The following XKR3 variants were observed in gnomAD, a reference collection of about 807,000 sequenced individuals.
XKR3 encodes the protein XK-related protein 3.
Under a neutral mutation model 40.3 loss-of-function variants are expected in XKR3, and 27 were observed. The ratio of observed to expected loss-of-function variants is 0.67; its 90% CI spans 0.49 to 0.92. The LOEUF (loss-of-function observed/expected upper bound fraction) is 0.92, where lower values mean the gene tolerates loss of function less well. Among genes scored for constraint, XKR3 ranks in the 40% least tolerant of loss-of-function variants. The pLI is 0.00. For synonymous variants in XKR3, 193 were observed against 195.4 expected (o/e 0.99, Z 0.10); for missense variants, 472 against 537.6 (o/e 0.88, Z 1.21).
intron 3 of XKR3, among the ~76,000 whole-genome samples, chr22:16,787,286 C>A (rs1186218726): frequency 3.9e-5 from 6 of 152,054 alleles, no homozygotes; most frequent in Admixed American, 6.6e-5. Flanking sequence ...AAGCTGGGTG[C>A]AATGGCTCAC....
intron 2 of XKR3, among the ~76,000 whole-genome samples, chr22:16,806,216 G>A (rs2146166022): frequency 6.8e-6 from 1 of 147,604 alleles, no homozygotes; most frequent in African/African-American, 2.5e-5. Flanking sequence ...CCAAGATTGT[G>A]TCAATGCACT....
intron 1 of XKR3, among the ~76,000 whole-genome samples, chr22:16,821,966 T>TAAAATAAAAATTTTGC (rs1419720029): frequency 2.0e-5 from 3 of 152,124 alleles, no homozygotes; most frequent in Non-Finnish European, 4.4e-5. Flanking sequence ...AATTTTAAAA[T>TAAAATAAAAATTTTGC]CACTATTAAA....
intron 1 of XKR3, among the ~76,000 whole-genome samples, chr22:16,809,940 CA>C (rs1419290029): frequency 6.6e-6 from 1 of 152,104 alleles, no homozygotes; most frequent in South Asian, 2.1e-4. Context: ...TTTGTAGAGA[CA>C]GGGTCTCTTC....
In XKR3 at chr22:16,784,211, T is replaced by C; in HGVS notation, c.788A>G (p.Lys263Arg). ...LAFFIASLKL[K>R]SLPVLLIIYF... ...TATGATTAACAAAACGGGTAGGCTC[T>C]TCAGTTTCAGAGATGCAATGAAAAA... Residue 263 changes from lysine to arginine, a missense_variant, in exon 4 of 4, where the codon AAG (lysine) becomes AGG (arginine). Transcript: ENST00000684488. The C allele has an allele frequency of 6.2e-7, 1 of 1,614,204 alleles. No homozygotes were observed. The highest frequency in any genetic ancestry group is 8.5e-7 in the Non-Finnish European group (1 of 1,180,022).
intron 2 of XKR3, 123 bp from the exon 3 acceptor site, chr22:16,800,147 A>G: frequency 9.1e-7 from 1 of 1,098,796 alleles, no homozygotes; most frequent in South Asian, 1.7e-5. Context: ...GGCAAATATT[A>G]ACTTAATCAC....
At chr22:16,786,730 C>T (rs1243861791) in intron 3 of XKR3, among the ~76,000 whole-genome samples, 1 of 152,110 alleles carries the variant, frequency 6.6e-6, no homozygotes, top group Admixed American at 6.5e-5. Context: ...CCTTAATTTC[C>T]TTCTTCTTCT....
At chr22:16,823,557 T>A (rs1243743121) in intron 1 of XKR3, among the ~76,000 whole-genome samples, 1 of 152,188 alleles carries the variant, frequency 6.6e-6, no homozygotes, top group East Asian at 1.9e-4. Context: ...AACACCTTAC[T>A]TTTGATCTGC....
rs550908656 is a variant in XKR3 at position 16,817,881 on chromosome 22, CAAAT to C, written c.-11+7406_-11+7409del. 3.1e-3 allele frequency among the ~76,000 whole-genome samples: 470 copies of C among 152,156 alleles called. 1 individual carries two copies. Among genetic ancestry groups the C allele is most frequent in the African/African-American group, 0.01 (424 of 41,526 alleles). Reference sequence around the variant, plus strand: ...TTCAATTGAATTATTTGTTACTTAACAAATAAAACCTATGAAAAGCCATTATTAC... The same window carrying C: ...TTCAATTGAATTATTTGTTACTTAACAAAACCTATGAAAAGCCATTATTAC... On this transcript the variant is annotated intron_variant, in intron 1 of 3. Transcript: ENST00000684488.
At chr22:16,787,781 CA>C in intron 3 of XKR3, among the ~76,000 whole-genome samples, 1 of 150,766 alleles carries the variant, frequency 6.6e-6, no homozygotes, top group East Asian at 2.0e-4. Flanking sequence ...CAGAATTAAG[CA>C]GGATAAAAAA....
At chr22:16,801,568 A>G (rs182302581) in intron 2 of XKR3, among the ~76,000 whole-genome samples, 51 of 152,294 alleles carry the variant, frequency 3.3e-4, no homozygotes, top group African/African-American at 1.1e-3. Flanking sequence ...AAGTAAGTGT[A>G]AGTTTTAAAA....
At chr22:16,820,035 C>A (rs2060249232) in intron 1 of XKR3, among the ~76,000 whole-genome samples, 1 of 152,098 alleles carries the variant, frequency 6.6e-6, no homozygotes, top group South Asian at 2.1e-4. Flanking sequence ...ATGACAACAC[C>A]AAATGCTGGT....
At chr22:16,794,526 C>CA (rs2060132828) in intron 3 of XKR3, among the ~76,000 whole-genome samples, 1 of 152,088 alleles carries the variant, frequency 6.6e-6, no homozygotes, top group Non-Finnish European at 1.5e-5. Flanking sequence ...TAAGGGCATA[C>CA]ACTTTAAATA....
chr22:16,816,771 TTGTAA>T (rs2146178187), intron 1 of XKR3, among the ~76,000 whole-genome samples: 1 of 152,164 alleles, frequency 6.6e-6, no homozygotes, highest in African/African-American at 2.4e-5. Context: ...CTGGTGTATC[TTGTAA>T]TTTAATATGA....
intron 3 of XKR3, among the ~76,000 whole-genome samples, chr22:16,796,483 C>T (rs1281753932): frequency 2.0e-5 from 3 of 152,160 alleles, no homozygotes; most frequent in African/African-American, 7.2e-5. Flanking sequence ...CTGGATCTCA[C>T]AGTGCATCAA....
At chr22:16,799,223 C>G (rs532852870) in intron 3 of XKR3, among the ~76,000 whole-genome samples, 24 of 151,548 alleles carry the variant, frequency 1.6e-4, no homozygotes, top group African/African-American at 5.8e-4. Flanking sequence ...ACCATCCTGG[C>G]TAACACAGTG....
At chr22:16,787,052 A>G (rs1353951233) in intron 3 of XKR3, among the ~76,000 whole-genome samples, 2 of 152,182 alleles carry the variant, frequency 1.3e-5, no homozygotes, top group Non-Finnish European at 2.9e-5. Flanking sequence ...AGGAGATTGA[A>G]ATAATGGGAG....
intron 1 of XKR3, among the ~76,000 whole-genome samples, chr22:16,823,805 GGT>G (rs2146185432): frequency 2.0e-5 from 1 of 51,074 alleles, no homozygotes; most frequent in East Asian, 6.1e-4. Flanking sequence ...AGTACTAAAA[GGT>G]TTTTTTTTTT....
intron 1 of XKR3, among the ~76,000 whole-genome samples, chr22:16,810,804 A>ATATCTTC: frequency 6.6e-6 from 1 of 152,204 alleles, no homozygotes; most frequent in Admixed American, 6.5e-5. Context: ...TCACTTTTAC[A>ATATCTTC]TATCTTCTAC....
At chr22:16,792,864 A>G (rs2146147032) in intron 3 of XKR3, among the ~76,000 whole-genome samples, 1 of 152,266 alleles carries the variant, frequency 6.6e-6, no homozygotes, top group Admixed American at 6.5e-5. Flanking sequence ...TCCCTCTTAA[A>G]CGCCAAATAA....
Sources: gnomAD v4.1 joint callset for allele counts (sites outside exome capture counted in the v4.1 genomes callset) on GRCh38, gnomAD v4.1.1 for gene constraint, MANE v1.5 for transcripts, NCBI Gene and HGNC (gene_info 2026-07-23, HGNC 2026-07-21) for gene names.